Variants in SLC30A6 observed in about 807,000 individuals in gnomAD.
The protein encoded by SLC30A6 is solute carrier family 30 member 6.
A neutral mutation model predicts 63.0 loss-of-function variants in SLC30A6; 55 were observed. The ratio of observed to expected loss-of-function variants is 0.87; its 90% CI spans 0.70 to 1.09. SLC30A6 has a LOEUF of 1.09. Ranked by LOEUF, SLC30A6 falls within the 50% of genes least tolerant of loss-of-function variation. SLC30A6 has a pLI of 0.00. For missense variants in SLC30A6, 587 were observed against 549.2 expected, an observed-to-expected ratio of 1.07 and a Z score of -0.69; for synonymous variants, 224 against 186.1, an observed-to-expected ratio of 1.20 and a Z score of -1.66.
At chr2:32,202,934 T>G in intron 10 of SLC30A6, 2 of 1,117,394 alleles carry the variant, frequency 1.8e-6, no homozygotes, top group Admixed American at 1.7e-5. Flanking sequence ...CAGCAGTTAC[T>G]GGAGATGTCC....
chr2:32,176,345 G>A (rs956223135), intron 4 of SLC30A6, among the ~76,000 whole-genome samples: 7 of 152,110 alleles, frequency 4.6e-5, no homozygotes, highest in South Asian at 2.1e-4. Flanking sequence ...AGGGAAACGT[G>A]CTCTTTTGTT....
intron 2 of SLC30A6, among the ~76,000 whole-genome samples, chr2:32,172,647 C>G (rs908513896): frequency 6.6e-6 from 1 of 152,164 alleles, no homozygotes; most frequent in South Asian, 2.1e-4. Flanking sequence ...CTGAATGTAA[C>G]CTGAGAGAAA....
Position 32,204,616 on chromosome 2 carries a change from C to T in SLC30A6, c.692C>T (p.Ser231Phe). The T allele has an allele frequency of 1.9e-6, 3 of 1,611,902 alleles. No individual in the cohort carries two copies. Among genetic ancestry groups the T allele is most frequent in the Non-Finnish European group, 2.5e-6 (3 of 1,178,750 alleles). ...INNYFAVDTA[S>F]AIAIALMTFG... ...AATTATTTTGCCGTAGACACTGCCT[C>T]TGCTATAGCTATTGCCTTGATGACA... Residue 231 changes from serine to phenylalanine, a missense_variant, in exon 11 of 14, where the codon TCT (serine) becomes TTT (phenylalanine). Physicochemically the swap from Ser to Phe is radical, Grantham distance 155. Transcript: ENST00000282587.
intron 3 of SLC30A6, among the ~76,000 whole-genome samples, chr2:32,174,953 A>C (rs563474008): frequency 6.6e-6 from 1 of 151,948 alleles, no homozygotes; most frequent in South Asian, 2.1e-4. Flanking sequence ...GAATTCTGTA[A>C]TTTTTTTCTT....
At chr2:32,214,051 C>T (rs1046073428) in intron 13 of SLC30A6, among the ~76,000 whole-genome samples, 8 of 151,964 alleles carry the variant, frequency 5.3e-5, no homozygotes, top group Non-Finnish European at 7.4e-5. Context: ...GTAGAATCTG[C>T]GAAGAGACAG....
chr2:32,197,926 G>A (rs916591314), intron 10 of SLC30A6, 100 bp downstream of exon 10: 167 of 1,405,252 alleles, frequency 1.2e-4, no homozygotes, highest in Non-Finnish European at 1.5e-4. Flanking sequence ...TAGCAGTTTC[G>A]CTTATGTCCT....
Position 32,174,151 on chromosome 2 carries a change from T to C in SLC30A6, c.175+4T>C. 6.2e-7 allele frequency: 1 copy of C among 1,602,246 alleles called. No individual in the cohort carries two copies. Among genetic ancestry groups the C allele is most frequent in the South Asian group, 1.1e-5 (1 of 88,830 alleles). ...TGCAGTTCTACTAATAGTATAGGTA[T>C]GTCACCTTTGTATTTTTATGGAGTT... is the stretch of plus-strand genomic sequence containing the variant. On this transcript the variant is annotated splice_donor_region_variant and intron_variant, in intron 3 of 13. Coordinates refer to ENST00000282587, the MANE Select transcript of SLC30A6 (RefSeq NM_017964.5).
chr2:32,199,922 C>T (rs1212946161), intron 10 of SLC30A6, among the ~76,000 whole-genome samples: 1 of 152,092 alleles, frequency 6.6e-6, no homozygotes, highest in African/African-American at 2.4e-5. Context: ...CAAGACCAGC[C>T]TGGCCAACAT....
intron 13 of SLC30A6, among the ~76,000 whole-genome samples, chr2:32,210,237 C>T (rs959196005): frequency 1.3e-5 from 2 of 152,034 alleles, no homozygotes; most frequent in African/African-American, 4.8e-5. Flanking sequence ...ACGGGCTGGG[C>T]GTGGTAGCTC....
intron 12 of SLC30A6, among the ~76,000 whole-genome samples, chr2:32,207,847 C>T (rs1266784347): frequency 1.3e-5 from 2 of 149,852 alleles, no homozygotes; most frequent in East Asian, 2.0e-4. Flanking sequence ...ATTATAGGCG[C>T]CCACCACATG....
At chr2:32,187,382 T>TG (rs1395144009) in intron 5 of SLC30A6, 1 of 391,540 alleles carries the variant, frequency 2.6e-6, no homozygotes, top group East Asian at 7.1e-5. Context: ...AAAGAACTGT[T>TG]GCTTGGGCCA....
At chr2:32,185,803 T>C (rs1438642961) in intron 5 of SLC30A6, among the ~76,000 whole-genome samples, 1 of 152,024 alleles carries the variant, frequency 6.6e-6, no homozygotes, top group Non-Finnish European at 1.5e-5. Context: ...CACTGCAGGC[T>C]CTGCCTTCCG....
At chr2:32,204,983 T>A (rs1466728999) in intron 11 of SLC30A6, among the ~76,000 whole-genome samples, 4 of 151,954 alleles carry the variant, frequency 2.6e-5, no homozygotes, top group Admixed American at 6.6e-5. Flanking sequence ...AGCTAATTTT[T>A]AAAAATATTT....
At chr2:32,215,802 TCAA>T (rs1685656207) in intron 13 of SLC30A6, among the ~76,000 whole-genome samples, 4 of 152,042 alleles carry the variant, frequency 2.6e-5, no homozygotes, top group Admixed American at 2.0e-4. Context: ...CCCTCTAGGC[TCAA>T]GCAGTCTTCC....
At chr2:32,194,170 T>G (rs956182930) in intron 8 of SLC30A6, among the ~76,000 whole-genome samples, 187 bp downstream of exon 8, 8 of 152,194 alleles carry the variant, frequency 5.3e-5, no homozygotes, top group Non-Finnish European at 8.8e-5. Flanking sequence ...AGTTCAAGCT[T>G]TAAAATAACA....
At chr2:32,207,692 A>AT (rs34666891) in intron 12 of SLC30A6, among the ~76,000 whole-genome samples, 36,813 of 54,400 alleles carry the variant, frequency 0.68, 14,365 homozygotes, top group Non-Finnish European at 0.73. Context: ...TAACTTCTGT[A>AT]TTTTTTTTTT....
chr2:32,192,218 A>T (rs1295918134), intron 5 of SLC30A6, 118 bp from the exon 6 acceptor site: 1 of 820,544 alleles, frequency 1.2e-6, no homozygotes, highest in Admixed American at 2.3e-5. Context: ...TGTTGGGCTC[A>T]TAGTAGACAG....
intron 8 of SLC30A6, among the ~76,000 whole-genome samples, chr2:32,194,710 A>C (rs1683623758): frequency 6.6e-6 from 1 of 152,168 alleles, no homozygotes; most frequent in African/African-American, 2.4e-5. Flanking sequence ...AAGAGAAGAA[A>C]GTTTTCTGAA....
At chr2:32,211,012 T>C (rs886151957) in intron 13 of SLC30A6, among the ~76,000 whole-genome samples, 1 of 149,950 alleles carries the variant, frequency 6.7e-6, no homozygotes, top group African/African-American at 2.5e-5. Flanking sequence ...GCAGGACAGC[T>C]TTAGAGATCT....
Sources: gnomAD v4.1 joint callset for allele counts (sites outside exome capture counted in the v4.1 genomes callset) on GRCh38, gnomAD v4.1.1 for gene constraint, MANE v1.5 for transcripts, NCBI Gene and HGNC (gene_info 2026-07-23, HGNC 2026-07-21) for gene names.